Variants in PTPN23 observed in about 807,000 individuals in gnomAD.
The protein encoded by PTPN23 is protein tyrosine phosphatase non-receptor type 23, also known as tyrosine-protein phosphatase non-receptor type 23.
PTPN23 carries 72 observed loss-of-function variants against 156.3 expected under a neutral mutation model. The ratio of observed to expected loss-of-function variants is 0.46; its 90% CI spans 0.38 to 0.56. PTPN23 has a LOEUF of 0.56. Among genes scored for constraint, PTPN23 ranks in the 20% least tolerant of loss-of-function variants. The pLI is 0.00. For missense variants in PTPN23, 1,974 were observed against 2,171.5 expected, an observed-to-expected ratio of 0.91 and a Z score of 1.81; for synonymous variants, 957 against 899.6, an observed-to-expected ratio of 1.06 and a Z score of -1.14.
In PTPN23 at chr3:47,405,447, C is replaced by A. The variant is rs1208617129; in HGVS notation, c.365-302C>A. 2 of 541,536 alleles carry A rather than the reference C, an allele frequency of 3.7e-6. No homozygotes were observed. Among genetic ancestry groups the A allele is most frequent in the African/African-American group, 3.8e-5 (2 of 52,722 alleles). The allele number at this position is 541,536 out of a possible 1,614,324, so 33.5% of individuals were successfully genotyped here. A position where few individuals can be genotyped will look rare whatever the true frequency, so the allele number is the denominator to read the frequency against. ...AGCTTACCCTGCTAGTCAGCCTTAGCCTGGCTCAAGGGAGAAGCTTGGGGA... is the reference window on the plus strand; with the variant it reads ...AGCTTACCCTGCTAGTCAGCCTTAGACTGGCTCAAGGGAGAAGCTTGGGGA... On this transcript the variant is annotated intron_variant, in intron 4 of 24. Coordinates refer to ENST00000265562, the MANE Select transcript of PTPN23 (RefSeq NM_015466.4). This position sits in a 1 kb window ranked among gnomAD's most constrained non-coding sequence, Gnocchi z 4.7.
At position 47,409,011 on chromosome 3, in the gene PTPN23, C is replaced by G; in HGVS notation, c.1566C>G (p.His522Gln). Reference protein sequence around the residue: ...NSELHRAMNLHVGNLRLLSGP... With the variant: ...NSELHRAMNLQVGNLRLLSGP... ...AGCTGCACCGTGCCATGAACCTGCA[C>G]GTCGGCAACCTGCGCCTGCTCAGCG... The change falls in exon 16 of 25, where the codon CAC becomes CAG. Residue 522 changes from histidine (H) to glutamine (Q), a missense_variant. His to Gln is a conservative substitution (Grantham distance 24). This residue lies in a region of PTPN23 where 726 missense variants were observed against 929.5 expected (regional missense o/e 0.78). Transcript: ENST00000265562. 6.2e-7 allele frequency: 1 copy of G among 1,614,098 alleles called. No homozygotes were observed. Among genetic ancestry groups the G allele is most frequent in the Non-Finnish European group, 8.5e-7 (1 of 1,180,036 alleles).
intron 2 of PTPN23, among the ~76,000 whole-genome samples, chr3:47,403,119 C>T (rs572962195): frequency 3.3e-5 from 5 of 150,240 alleles, no homozygotes; most frequent in South Asian, 2.1e-4. Context: ...GGCGCGATTT[C>T]GGCTCACTGC....
rs151119137 is a variant in PTPN23, at chr3:47,411,384, C to A, written c.3586C>A (p.Arg1196=). The A allele has an allele frequency of 1.9e-6, 3 of 1,612,860 alleles. No individual in the cohort carries two copies. The African/African-American group carries it at 4.0e-5, about 22-fold the overall frequency. ...GDVGALDTVW[R]ELQDAQEHDA... ...TGTGGGAGCTCTGGACACTGTCTGG[C>A]GAGAGCTGCAAGATGCGCAGGAACA... is the stretch of plus-strand genomic sequence containing the variant. The change falls in exon 20 of 25, where the codon CGA becomes AGA. Residue 1196 remains arginine (R), a synonymous_variant. Transcript: ENST00000265562. The surrounding 1 kb of genome is among the most constrained non-coding windows in gnomAD (Gnocchi z 6.3).
intron 2 of PTPN23, among the ~76,000 whole-genome samples, chr3:47,402,791 C>A (rs4858805): frequency 6.6e-6 from 1 of 151,960 alleles, no homozygotes; most frequent in Non-Finnish European, 1.5e-5. Flanking sequence ...CTGCAACCTC[C>A]GCCTCCCAGA....
In PTPN23 at chr3:47,407,698, A is replaced by T; in HGVS notation, c.1005A>T (p.Gly335=). ...TCTCCACAATTCCCACCCCCCCAGG[A>T]GCCCCCTTGGTGAAGCCCTTGCCAG... ...PALDTLQPVK[G]APLVKPLPVN... The change falls in exon 13 of 25, where the codon GGA becomes GGT. Residue 335 remains glycine (G), a splice_region_variant and synonymous_variant. Coordinates refer to ENST00000265562, the MANE Select transcript of PTPN23 (RefSeq NM_015466.4). This position sits in a 1 kb window ranked among gnomAD's most constrained non-coding sequence, Gnocchi z 4.0. The T allele has an allele frequency of 7.8e-7, 1 of 1,280,018 alleles. No homozygotes were observed. The highest frequency in any genetic ancestry group is 1.1e-6 in the Non-Finnish European group (1 of 875,494). 79.3% of individuals were successfully genotyped at this position (1,280,018 alleles called of 1,614,324 possible).
Position 47,411,941 on chromosome 3 carries a change from C to G in PTPN23, c.4047C>G (p.His1349Gln). 5 of 1,612,444 alleles carry G rather than the reference C, an allele frequency of 3.1e-6. No homozygotes were observed. The highest frequency in any genetic ancestry group is 4.2e-6 in the Non-Finnish European group (5 of 1,179,376). ...AGAGCCTCAAGCGCTCTCTTGTGCA[C>G]CTGCACTTCCCCACTTGGCCTGAGT... Reference protein sequence around the residue: ...RDQSLKRSLVHLHFPTWPELG... With the variant: ...RDQSLKRSLVQLHFPTWPELG... Residue 1349 changes from histidine (H) to glutamine (Q), a missense_variant, in exon 21 of 25, where the codon CAC (histidine) becomes CAG (glutamine). By Grantham distance (24) the His-to-Gln change is conservative (BLOSUM62 0). Around this residue, in one of 4 missense-constraint regions of PTPN23, gnomAD observed 484 missense variants for 516.0 expected, o/e 0.94. Transcript: ENST00000265562. The surrounding 1 kb of genome is among the most constrained non-coding windows in gnomAD (Gnocchi z 6.3).
chr3:47,388,719 C>T (rs1208143597), intron 1 of PTPN23, among the ~76,000 whole-genome samples: 1 of 139,918 alleles, frequency 7.1e-6, no homozygotes, highest in Non-Finnish European at 1.5e-5. Context: ...GGCTAGAGTA[C>T]AGTGGCACAA....
Position 47,413,105 on chromosome 3 carries a change from G to C in PTPN23, c.4831G>C (p.Gly1611Arg), listed in dbSNP as rs143551775. The C allele has an allele frequency of 3.1e-6, 5 of 1,612,898 alleles. No individual in the cohort carries two copies. Among genetic ancestry groups the C allele is most frequent in the Non-Finnish European group, 4.2e-6 (5 of 1,180,032 alleles). ...SKHNFLQAHN[G>R]QGLRATRPSD... ...GCATAACTTTCTGCAGGCCCATAACGGGCAAGGGCTGCGGGCCACCCGGCC... is the reference window on the plus strand; with the variant it reads ...GCATAACTTTCTGCAGGCCCATAACCGGCAAGGGCTGCGGGCCACCCGGCC... Residue 1611 changes from glycine (G) to arginine (R), a missense_variant, in exon 25 of 25, where the codon GGG becomes CGG. By Grantham distance (125) the Gly-to-Arg change is moderately radical. This residue lies in a region of PTPN23 where 484 missense variants were observed against 516.0 expected (regional missense o/e 0.94). Transcript: ENST00000265562.
rs1183621421 is a variant in PTPN23 at position 47,410,623 on chromosome 3, T to C, written c.2825T>C (p.Ile942Thr). 1 of 1,611,050 alleles carries C rather than the reference T, an allele frequency of 6.2e-7. No homozygotes were observed. Among genetic ancestry groups the C allele is most frequent in the African/African-American group, 1.3e-5 (1 of 74,396 alleles). Residue 942 changes from isoleucine (I) to threonine (T), a missense_variant, in exon 20 of 25, where the codon ATC becomes ACC. Around this residue, in one of 4 missense-constraint regions of PTPN23, gnomAD observed 731 missense variants for 669.1 expected, o/e 1.09. Transcript: ENST00000265562. ...GCACAGCACCACTTCTCTTCTGGGA[T>C]CCCCGCAGGTTTTCCAGCCCCAAGG... The part of the protein sequence containing the change: ...IPAQHHFSSG[I>T]PAGFPAPRIG...
intron 2 of PTPN23, 62 bp from the exon 3 acceptor site, chr3:47,404,590 C>G: frequency 1.3e-6 from 2 of 1,592,426 alleles, no homozygotes; most frequent in Non-Finnish European, 1.7e-6. Context: ...TGTGAGTTAG[C>G]TGGCCTGCGT....
In PTPN23 at chr3:47,406,631, A is replaced by G. The variant is rs1200468417; in HGVS notation, c.759+19A>G. On this transcript the variant is annotated intron_variant, in intron 8 of 24. Transcript: ENST00000265562. This position sits in a 1 kb window ranked among gnomAD's most constrained non-coding sequence, Gnocchi z 5.8. Reference sequence around the variant, plus strand: ...GGCTCATGTGAGGGCCTGGGGCCCCAGGGCGGGGCAGGGCGGGGCTGAGTG... The same window carrying G: ...GGCTCATGTGAGGGCCTGGGGCCCCGGGGCGGGGCAGGGCGGGGCTGAGTG... 3 of 1,613,624 alleles carry G rather than the reference A, an allele frequency of 1.9e-6. No individual in the cohort carries two copies. The highest frequency in any genetic ancestry group is 2.5e-6 in the Non-Finnish European group (3 of 1,179,880).
intron 1 of PTPN23, among the ~76,000 whole-genome samples, chr3:47,393,184 G>A (rs1323129497): frequency 6.6e-6 from 1 of 151,960 alleles, no homozygotes; most frequent in Non-Finnish European, 1.5e-5. Context: ...ATGGAGTCTT[G>A]CTGTGTGGCC....
At chr3:47,389,595 C>T (rs549001750) in intron 1 of PTPN23, among the ~76,000 whole-genome samples, 38 of 152,242 alleles carry the variant, frequency 2.5e-4, no homozygotes, top group Non-Finnish European at 2.6e-4. Flanking sequence ...AATCCCCGCA[C>T]TTTGGGAGGC....
At position 47,407,202 on chromosome 3, in the gene PTPN23, G is replaced by T. The variant is rs766480119; in HGVS notation, c.864+16G>T. On this transcript the variant is annotated intron_variant, in intron 10 of 24. Coordinates refer to ENST00000265562, the MANE Select transcript of PTPN23 (RefSeq NM_015466.4). The surrounding 1 kb of genome is among the most constrained non-coding windows in gnomAD (Gnocchi z 4.0). ...GTTGGCCAAGGTAAAGCTGAGGAAG[G>T]CCTGGCTGCCCTGAGGGTATAGGAG... 8 of 1,614,032 alleles carry T rather than the reference G, an allele frequency of 5.0e-6. No homozygotes were observed. The highest frequency in any genetic ancestry group is 1.7e-5 in the Admixed American group (1 of 60,000).
chr3:47,411,548 G>A lies in PTPN23; in HGVS notation c.3750G>A (p.Glu1250=). The change falls in exon 20 of 25, where the codon GAG becomes GAA. Residue 1250 remains glutamate (E), a synonymous_variant. Coordinates refer to ENST00000265562, the MANE Select transcript of PTPN23 (RefSeq NM_015466.4). The surrounding 1 kb of genome is among the most constrained non-coding windows in gnomAD (Gnocchi z 6.3). ...KDDYINASCV[E]GLSPYCPPLV... is the part of the protein sequence containing the mutation. ...ACTACATCAATGCCAGCTGCGTGGAGGGGCTCTCCCCATACTGCCCCCCGC... is the reference window on the plus strand; with the variant it reads ...ACTACATCAATGCCAGCTGCGTGGAAGGGCTCTCCCCATACTGCCCCCCGC... 2.5e-6 allele frequency: 4 copies of A among 1,612,858 alleles called. No homozygotes were observed. Among genetic ancestry groups the A allele is most frequent in the Non-Finnish European group, 2.5e-6 (3 of 1,180,004 alleles).
Position 47,409,834 on chromosome 3 carries a change from G to A in PTPN23, c.2129G>A (p.Arg710Lys). 1 of 1,609,966 alleles carries A rather than the reference G, an allele frequency of 6.2e-7. No individual in the cohort carries two copies. The highest frequency in any genetic ancestry group is 8.5e-7 in the Non-Finnish European group (1 of 1,178,644). Residue 710 changes from arginine (R) to lysine (K), a missense_variant and splice_region_variant, in exon 19 of 25, where the codon AGG becomes AAG. Around this residue, in one of 4 missense-constraint regions of PTPN23, gnomAD observed 731 missense variants for 669.1 expected, o/e 1.09. Coordinates refer to ENST00000265562, the MANE Select transcript of PTPN23 (RefSeq NM_015466.4). Reference sequence around the variant, plus strand: ...GCTGCCCGCCAGCAGCTCCTGGACAGGTTTGTGTGGCCCTGGGGCTGTGGT... The same window carrying A: ...GCTGCCCGCCAGCAGCTCCTGGACAAGTTTGTGTGGCCCTGGGGCTGTGGT... Reference protein sequence around the residue: ...REAARQQLLDRELKKKPPPRP... With the variant: ...REAARQQLLDKELKKKPPPRP...
chr3:47,410,361 C>T lies in PTPN23; in HGVS notation c.2563C>T (p.Pro855Ser). ...SSPYVGVGPA[P>S]PVAGLPSAPP... is the part of the protein sequence containing the mutation. ...TCCCTATGTGGGGGTAGGGCCGGCC[C>T]CACCAGTTGCAGGTCTCCCCTCGGC... Residue 855 changes from proline to serine, a missense_variant, in exon 20 of 25, where the codon CCA becomes TCA. Transcript: ENST00000265562. The T allele has an allele frequency of 1.9e-6, 3 of 1,610,110 alleles. No individual in the cohort carries two copies. The highest frequency in any genetic ancestry group is 2.5e-6 in the Non-Finnish European group (3 of 1,178,468).
chr3:47,409,074 G>T lies in PTPN23; in HGVS notation c.1629G>T (p.Pro543=). The change falls in exon 16 of 25, where the codon CCG becomes CCT. Residue 543 remains proline (P), a synonymous_variant. Transcript: ENST00000265562. ...AGGTCCGGGCTGCCCTGCCCACACCGGCCCTCTCCCCAGGTGAGCCCCACC... is the reference window on the plus strand; with the variant it reads ...AGGTCCGGGCTGCCCTGCCCACACCTGCCCTCTCCCCAGGTGAGCCCCACC... The part of the protein sequence containing the change: ...LDQVRAALPT[P]ALSPEDKAVL... 6.2e-7 allele frequency: 1 copy of T among 1,611,882 alleles called. No individual in the cohort carries two copies. The highest frequency in any genetic ancestry group is 8.5e-7 in the Non-Finnish European group (1 of 1,178,748).
At chr3:47,408,279 GCTC>G in intron 14 of PTPN23, 63 bp from the exon 15 acceptor site, 1 of 1,572,490 alleles carries the variant, frequency 6.4e-7, no homozygotes, top group East Asian at 2.3e-5. Flanking sequence ...TGCCCTAGCG[GCTC>G]CTTTGACATG....
Sources: allele counts gnomAD v4.1 joint callset (sites outside exome capture counted in the v4.1 genomes callset), GRCh38; gene constraint gnomAD v4.1.1; regional missense constraint gnomAD v4.1.1; non-coding constraint Gnocchi (gnomAD v3.1); transcripts MANE v1.5; gene names NCBI Gene and HGNC (gene_info 2026-07-23, HGNC 2026-07-21).